KLHL29: variants seen among roughly 807,000 people sequenced by gnomAD.
KLHL29 encodes kelch-like protein 29.
A neutral mutation model predicts 80.4 loss-of-function variants in KLHL29; 21 were observed. That is an observed-to-expected ratio of 0.26 (90% CI 0.19 to 0.38). The LOEUF (loss-of-function observed/expected upper bound fraction) is 0.38. Among genes scored for constraint, KLHL29 ranks in the 10% least tolerant of loss-of-function variants. The pLI is 1.00. For synonymous variants in KLHL29, 511 were observed against 526.8 expected (o/e 0.97, Z 0.41); for missense variants, 867 against 1,223.9 (o/e 0.71, Z 4.35).
At chr2:23,540,076 C>T (rs139060844) in intron 2 of KLHL29, among the ~76,000 whole-genome samples, 162 of 152,282 alleles carry the variant, frequency 1.1e-3, no homozygotes, top group African/African-American at 3.6e-3. Flanking sequence ...AGTTGTTTCC[C>T]CTGCCCCATG....
At chr2:23,480,354 A>G (rs551059700) in intron 2 of KLHL29, among the ~76,000 whole-genome samples, 4 of 152,256 alleles carry the variant, frequency 2.6e-5, no homozygotes, top group East Asian at 3.9e-4. Flanking sequence ...GGGCATGGTG[A>G]CACACGCCTA....
chr2:23,568,973 G>A (rs1454320377), intron 3 of KLHL29, among the ~76,000 whole-genome samples: 1 of 152,200 alleles, frequency 6.6e-6, no homozygotes, highest in African/African-American at 2.4e-5. Flanking sequence ...ACCCAGCAAG[G>A]ATTGTGCTGC....
intron 1 of KLHL29, among the ~76,000 whole-genome samples, chr2:23,410,107 T>A (rs1481866809): frequency 1.3e-5 from 2 of 152,170 alleles, no homozygotes; most frequent in Non-Finnish European, 2.9e-5. Context: ...GCAGGGTTTG[T>A]CTAGCCGCAT....
intron 1 of KLHL29, among the ~76,000 whole-genome samples, chr2:23,438,470 T>C (rs1663410088): frequency 1.4e-5 from 2 of 138,024 alleles, no homozygotes; most frequent in East Asian, 4.3e-4. Flanking sequence ...CTCTTATTAT[T>C]TTGAGATACG....
intron 2 of KLHL29, among the ~76,000 whole-genome samples, chr2:23,549,686 C>T (rs1313460591): frequency 6.6e-6 from 1 of 152,190 alleles, no homozygotes; most frequent in Non-Finnish European, 1.5e-5. Context: ...CAAAAACGCC[C>T]CTTCCTTGGG....
chr2:23,475,041 T>C (rs2103437799), intron 1 of KLHL29, among the ~76,000 whole-genome samples: 1 of 152,268 alleles, frequency 6.6e-6, no homozygotes, highest in South Asian at 2.1e-4. Flanking sequence ...CCAGGGAACC[T>C]ATTCTTTGCC....
chr2:23,492,776 G>T (rs560541575), intron 2 of KLHL29, among the ~76,000 whole-genome samples: 1 of 152,168 alleles, frequency 6.6e-6, no homozygotes, highest in Non-Finnish European at 1.5e-5. Flanking sequence ...GAAGGGGTTT[G>T]CAGAGCAAGA....
intron 1 of KLHL29, among the ~76,000 whole-genome samples, chr2:23,397,909 G>C (rs867059478): frequency 1.3e-5 from 2 of 152,198 alleles, no homozygotes; most frequent in African/African-American, 2.4e-5. Context: ...ACCACAATAA[G>C]ATACCACTTC....
rs550576439 is a variant in KLHL29, at chr2:23,385,448, A to AGCCGCC, written c.-470_-465dup. ...GAGAGGGCGGGGGCGATGCTGCCGG[A>AGCCGCC]GCCGCCGCCGCCGCCGCCGCCTCGA... On this transcript the variant is annotated 5_prime_UTR_variant, in exon 1 of 14. Transcript: ENST00000486442. The AGCCGCC allele has an allele frequency of 6.0e-3, 976 of 161,694 alleles. 11 individuals carry two copies. The highest frequency in any genetic ancestry group is 0.022 in the African/African-American group (866 of 38,994). The allele number at this position is 161,694 out of a possible 1,614,324, so 10.0% of individuals were successfully genotyped here.
rs906926066 is a variant in KLHL29 at position 23,680,463 on chromosome 2, C to T, written c.941-3936C>T. ...GGGTGTGCAGTCCCACAGACGTAGG[C>T]GGGCATCCCGCTCAAAGCCGAGGAG... On this transcript the variant is annotated intron_variant, in intron 5 of 13. Transcript: ENST00000486442. The surrounding 1 kb of genome is among the most constrained non-coding windows in gnomAD (Gnocchi z 4.1). Among the ~76,000 whole-genome samples, 2 of 152,178 alleles carry T rather than the reference C, an allele frequency of 1.3e-5. No individual in the cohort carries two copies. Among genetic ancestry groups the T allele is most frequent in the Non-Finnish European group, 2.9e-5 (2 of 68,022 alleles).
At chr2:23,556,468 A>G (rs2103492850) in intron 2 of KLHL29, among the ~76,000 whole-genome samples, 1 of 147,064 alleles carries the variant, frequency 6.8e-6, no homozygotes, top group East Asian at 2.0e-4. Flanking sequence ...GCGAAACCCC[A>G]TTTCTACCAA....
At chr2:23,500,869 T>G (rs1665417967) in intron 2 of KLHL29, among the ~76,000 whole-genome samples, 1 of 152,226 alleles carries the variant, frequency 6.6e-6, no homozygotes, top group Admixed American at 6.5e-5. Context: ...TTCACGAGGT[T>G]GCACTTTGAC....
Position 23,424,087 on chromosome 2 carries a change from A to G in KLHL29, c.-154+38307A>G, listed in dbSNP as rs573981035. ...TGGGGCTCTTGCTCCTTTTCTTGTA[A>G]TAACAGCACCATCCACCACTCCTCT... On this transcript the variant is annotated intron_variant, in intron 1 of 13. Transcript: ENST00000486442. Among the ~76,000 whole-genome samples the G allele has an allele frequency of 8.7e-4, 132 of 152,304 alleles. 1 individual carries two copies. The highest frequency in any genetic ancestry group is 3.1e-3 in the African/African-American group (129 of 41,560).
chr2:23,617,318 A>G (rs947991649), intron 3 of KLHL29: 7 of 152,214 alleles, frequency 4.6e-5, no homozygotes, highest in African/African-American at 1.2e-4. Context: ...AGGCTGGCCC[A>G]TGGTCACTGT....
chr2:23,656,946 A>C (rs546078413), intron 5 of KLHL29, among the ~76,000 whole-genome samples: 2 of 152,180 alleles, frequency 1.3e-5, no homozygotes, highest in South Asian at 2.1e-4. Context: ...AAAAAAAAAA[A>C]AAAAAACTGG....
At chr2:23,550,368 G>GC (rs894302317) in intron 2 of KLHL29, among the ~76,000 whole-genome samples, 10 of 152,266 alleles carry the variant, frequency 6.6e-5, no homozygotes, top group African/African-American at 2.2e-4. Flanking sequence ...CAAGCAGGAG[G>GC]CCCCCCAGGT....
At chr2:23,652,956 T>C (rs1558425275) in intron 5 of KLHL29, among the ~76,000 whole-genome samples, 1 of 152,054 alleles carries the variant, frequency 6.6e-6, no homozygotes, top group Non-Finnish European at 1.5e-5. Context: ...CAAGCGAACT[T>C]TCTGAATTTT....
Position 23,707,717 on chromosome 2 carries a change from G to A in KLHL29, c.*1053G>A, listed in dbSNP as rs1160972273. Reference sequence around the variant, plus strand: ...GTGGGAAGGGAAGGAGGGAGAATTAGCGTCTATAAAGCACAGGAGACTATT... The same window carrying A: ...GTGGGAAGGGAAGGAGGGAGAATTAACGTCTATAAAGCACAGGAGACTATT... On this transcript the variant is annotated 3_prime_UTR_variant, in exon 14 of 14. Transcript: ENST00000486442. 2 of 152,278 alleles carry A rather than the reference G, an allele frequency of 1.3e-5. No homozygotes were observed. Among genetic ancestry groups the A allele is most frequent in the Non-Finnish European group, 2.9e-5 (2 of 68,124 alleles). 9.4% of individuals were successfully genotyped at this position (152,278 alleles called of 1,614,324 possible). A position where few individuals can be genotyped will look rare whatever the true frequency, so the allele number is the denominator to read the frequency against.
chr2:23,508,695 T>A (rs773567195), intron 2 of KLHL29, among the ~76,000 whole-genome samples: 2 of 152,238 alleles, frequency 1.3e-5, no homozygotes, highest in Admixed American at 6.5e-5. Context: ...CTTGATAAAA[T>A]GCCTGTGTGT....
Sources: allele counts gnomAD v4.1 joint callset (sites outside exome capture counted in the v4.1 genomes callset), GRCh38; gene constraint gnomAD v4.1.1; non-coding constraint Gnocchi (gnomAD v3.1); transcripts MANE v1.5; gene names NCBI Gene and HGNC (gene_info 2026-07-23, HGNC 2026-07-21).